CCNY: variants seen among roughly 807,000 people sequenced by gnomAD.
CCNY encodes cyclin-Y.
CCNY carries 19 observed loss-of-function variants against 42.8 expected under a neutral mutation model. That is an observed-to-expected ratio of 0.44 (90% CI 0.31 to 0.65). The LOEUF is 0.65. Among genes scored for constraint, CCNY ranks in the 30% least tolerant of loss-of-function variants. The pLI is 0.07. For synonymous variants in CCNY, 165 were observed against 162.7 expected, an observed-to-expected ratio of 1.01 and a Z score of -0.11; for missense variants, 370 against 437.3, an observed-to-expected ratio of 0.85 and a Z score of 1.37.
chr10:35,435,472 G>C (rs1019130083), intron 1 of CCNY, among the ~76,000 whole-genome samples: 2 of 152,206 alleles, frequency 1.3e-5, no homozygotes, highest in Non-Finnish European at 2.9e-5. Context: ...TCATAGGCCC[G>C]TGTGGCCCAT....
Position 35,566,176 on chromosome 10 carries a change from C to T in CCNY, c.900C>T (p.His300=). Residue 300 remains histidine, a synonymous_variant, in exon 9 of 10, where the codon CAC becomes CAT. Transcript: ENST00000374704. Reference sequence around the variant, plus strand: ...AGCCCCTGAGCAGGGAGAGGGCTCACAAGCTTGAGGTAAGATGGTTTAAAA... The same window carrying T: ...AGCCCCTGAGCAGGGAGAGGGCTCATAAGCTTGAGGTAAGATGGTTTAAAA... ...PLEPLSRERA[H]KLEAISRLCE... 4 of 1,613,670 alleles carry T rather than the reference C, an allele frequency of 2.5e-6. No homozygotes were observed. Among genetic ancestry groups the T allele is most frequent in the Non-Finnish European group, 2.5e-6 (3 of 1,179,838 alleles).
chr10:35,253,724 G>C (rs1029769734), intron 3 of CCNY, among the ~76,000 whole-genome samples: 1 of 151,912 alleles, frequency 6.6e-6, no homozygotes, highest in Non-Finnish European at 1.5e-5. Flanking sequence ...CTCAAACCAG[G>C]CATTGACTCC....
intron 1 of CCNY, among the ~76,000 whole-genome samples, chr10:35,473,752 A>G (rs1468334232): frequency 6.6e-6 from 1 of 152,162 alleles, no homozygotes. Context: ...AATTTTTGTC[A>G]TTGAAAAACA....
intron 3 of CCNY, among the ~76,000 whole-genome samples, chr10:35,514,298 T>TG (rs1207472229): frequency 1.3e-5 from 2 of 152,114 alleles, no homozygotes; most frequent in Non-Finnish European, 2.9e-5. Context: ...ACTCAATACT[T>TG]GGGATCTTTA....
intron 2 of CCNY, among the ~76,000 whole-genome samples, chr10:35,484,721 G>GATAGTACTATAAAAACAAGAAAC (rs1217175589): frequency 8.5e-5 from 13 of 152,176 alleles, no homozygotes; most frequent in African/African-American, 2.7e-4. Flanking sequence ...TGCAGACACT[G>GATAGTACTATAAAAACAAGAAAC]ATAGTACTAT....
chr10:35,386,174 T>C (rs574009206), intron 1 of CCNY, among the ~76,000 whole-genome samples: 1 of 152,354 alleles, frequency 6.6e-6, no homozygotes, highest in South Asian at 2.1e-4. Context: ...GGCCGGCTTG[T>C]TGAGAAGTCA....
intron 1 of CCNY, among the ~76,000 whole-genome samples, chr10:35,430,134 G>A (rs1319903861): frequency 6.6e-6 from 1 of 151,474 alleles, no homozygotes; most frequent in East Asian, 1.9e-4. Flanking sequence ...TCAGGAGATC[G>A]AGACCATCCC....
rs1456332923 is a variant in CCNY, at chr10:35,370,362, A to G, written c.154+33155A>G. ...GAGACGGGGTTTCACCGTGTTAGCC[A>G]GGATGGTCTTGATCTCCTGACCTTG... On this transcript the variant is annotated intron_variant, in intron 1 of 9. Coordinates refer to ENST00000374704, the MANE Select transcript of CCNY (RefSeq NM_145012.6). 2.6e-5 allele frequency among the ~76,000 whole-genome samples: 4 copies of G among 152,024 alleles called. No individual in the cohort carries two copies. In the East Asian group the frequency reaches 5.8e-4, roughly 22 times the overall value.
chr10:35,540,379 C>T (rs1172757956), intron 7 of CCNY, among the ~76,000 whole-genome samples: 2 of 152,228 alleles, frequency 1.3e-5, no homozygotes, highest in African/African-American at 4.8e-5. Flanking sequence ...ATCAACCCCG[C>T]ATTCCGGGAT....
intron 1 of CCNY, among the ~76,000 whole-genome samples, chr10:35,345,277 T>A (rs1242354593): frequency 6.6e-6 from 1 of 152,202 alleles, no homozygotes; most frequent in Non-Finnish European, 1.5e-5. Context: ...CTAACTGGTG[T>A]GAGATGGTAT....
intron 1 of CCNY, among the ~76,000 whole-genome samples, chr10:35,400,511 T>C (rs543240776): frequency 2.0e-5 from 3 of 152,378 alleles, no homozygotes; most frequent in Non-Finnish European, 4.4e-5. Flanking sequence ...GTTAAGAATA[T>C]GCTTTGTTGA....
At chr10:35,384,812 T>G (rs1157808577) in intron 1 of CCNY, among the ~76,000 whole-genome samples, 2 of 152,146 alleles carry the variant, frequency 1.3e-5, no homozygotes, top group East Asian at 3.9e-4. Flanking sequence ...ACAAATTGCT[T>G]CCGTGGGCTT....
intron 3 of CCNY, among the ~76,000 whole-genome samples, chr10:35,272,752 A>C (rs538515397): frequency 1.3e-5 from 2 of 152,200 alleles, no homozygotes; most frequent in Non-Finnish European, 2.9e-5. Flanking sequence ...TGTCTTTATG[A>C]TGGAATGATT....
At chr10:35,415,570 G>A (rs976592598) in intron 1 of CCNY, among the ~76,000 whole-genome samples, 1 of 152,046 alleles carries the variant, frequency 6.6e-6, no homozygotes, top group Non-Finnish European at 1.5e-5. Context: ...TTAGTTTTGG[G>A]CTCCTTTCCT....
chr10:35,281,965 T>C (rs577764482), intron 3 of CCNY, among the ~76,000 whole-genome samples: 21 of 152,152 alleles, frequency 1.4e-4, no homozygotes, highest in African/African-American at 4.8e-4. Context: ...TTAGTTCTCA[T>C]CTTCCTAGAA....
rs985570489 is a variant in CCNY at position 35,570,519 on chromosome 10, G to A, written c.*1349G>A. ...AAAGTTGATGATAGAATATCAAATA[G>A]TGAATTTGATATGAAATCTAAGAGT... On this transcript the variant is annotated 3_prime_UTR_variant, in exon 10 of 10. Transcript: ENST00000374704. 2 of 152,288 alleles carry A rather than the reference G, an allele frequency of 1.3e-5. No homozygotes were observed. The highest frequency in any genetic ancestry group is 1.3e-4 in the Admixed American group (2 of 15,266). The allele number at this position is 152,288 out of a possible 1,614,324, so 9.4% of individuals were successfully genotyped here.
intron 3 of CCNY, among the ~76,000 whole-genome samples, chr10:35,285,787 T>C (rs2135057884): frequency 6.7e-6 from 1 of 149,040 alleles, no homozygotes; most frequent in East Asian, 2.0e-4. Flanking sequence ...TTAAAAATTA[T>C]GGATGTGGTT....
At chr10:35,563,240 A>G (rs968868745) in intron 8 of CCNY, among the ~76,000 whole-genome samples, 4 of 152,148 alleles carry the variant, frequency 2.6e-5, no homozygotes. Context: ...CAGCTCTAAA[A>G]TCTATTTTCC....
chr10:35,472,083 C>G (rs1391910838), intron 1 of CCNY, among the ~76,000 whole-genome samples: 2 of 152,214 alleles, frequency 1.3e-5, no homozygotes, highest in Non-Finnish European at 2.9e-5. Flanking sequence ...TAGCCCTGAT[C>G]TAAGTGCTGT....
Sources: allele counts gnomAD v4.1 joint callset (sites outside exome capture counted in the v4.1 genomes callset), GRCh38; gene constraint gnomAD v4.1.1; transcripts MANE v1.5; gene names NCBI Gene and HGNC (gene_info 2026-07-23, HGNC 2026-07-21).